USP54: variants seen among roughly 807,000 people sequenced by gnomAD.
The protein encoded by USP54 is ubiquitin specific peptidase 54.
USP54 carries 87 observed loss-of-function variants against 170.5 expected under a neutral mutation model. The observed-to-expected ratio is 0.51, with a 90% CI of 0.43 to 0.61. USP54 has a LOEUF of 0.61. USP54 is among the 20% of genes least tolerant of loss of function. The probability of loss-of-function intolerance (pLI) is 0.00; values close to 1 mark genes in which losing one functional copy is unlikely to be tolerated. For synonymous variants in USP54, 655 were observed against 742.8 expected, an observed-to-expected ratio of 0.88 and a Z score of 1.92; for missense variants, 1,786 against 2,047.8, an observed-to-expected ratio of 0.87 and a Z score of 2.47.
chr10:73,517,646 G>A lies in USP54; in HGVS notation c.2780C>T (p.Ala927Val). 7 of 1,614,218 alleles carry A rather than the reference G, an allele frequency of 4.3e-6. No individual in the cohort carries two copies. The highest frequency in any genetic ancestry group is 5.9e-6 in the Non-Finnish European group (7 of 1,180,046). The part of the protein sequence containing the change: ...FGASSFFHSP[A>V]SCHESHSSLS... The stretch of plus-strand genomic sequence containing the variant: ...TGATGAGTGTGACTCATGGCAGGAA[G>A]CAGGTGAATGGAAGAAAGAACTGGC... The change falls in exon 20 of 24, where the codon GCT becomes GTT. Residue 927 changes from alanine to valine, a missense_variant. By Grantham distance (64) the Ala-to-Val change is moderately conservative (BLOSUM62 0). This residue lies in a region of USP54 where 1,418 missense variants were observed against 1,569.0 expected (regional missense o/e 0.90). Coordinates refer to ENST00000687698, the MANE Select transcript of USP54 (RefSeq NM_001391956.1).
intron 20 of USP54, among the ~76,000 whole-genome samples, chr10:73,508,816 T>A (rs1041983143): frequency 4.0e-5 from 6 of 151,778 alleles, no homozygotes; most frequent in African/African-American, 1.5e-4. Flanking sequence ...TACAGGTGCA[T>A]GCCACCATGC....
intron 1 of USP54, among the ~76,000 whole-genome samples, chr10:73,576,607 C>A (rs1236046128): frequency 6.6e-6 from 1 of 150,454 alleles, no homozygotes; most frequent in Non-Finnish European, 1.5e-5. Flanking sequence ...TTTCTTGAAG[C>A]AGAAGAAAGT....
chr10:73,517,288 C>T lies in USP54; in HGVS notation c.3138G>A (p.Glu1046=), dbSNP rs2061215735. 1 of 1,613,322 alleles carries T rather than the reference C, an allele frequency of 6.2e-7. No individual in the cohort carries two copies. The highest frequency in any genetic ancestry group is 8.5e-7 in the Non-Finnish European group (1 of 1,179,564). ...SPVMPGIATS[E]RGDEHSLGCS... ...AGCCTAGGCTGTGTTCATCACCCCT[C>T]TCAGAGGTGGCTATTCCAGGCATCA... Residue 1046 remains glutamate (E), a synonymous_variant, in exon 20 of 24, where the codon GAG becomes GAA. Transcript: ENST00000687698.
At chr10:73,569,931 A>AAAAAAAAAAAAAAAAAAAAAAAAAAC (rs2074746106) in intron 4 of USP54, among the ~76,000 whole-genome samples, 1 of 145,036 alleles carries the variant, frequency 6.9e-6, no homozygotes, top group Non-Finnish European at 1.5e-5. Flanking sequence ...AAAAAAAAAA[A>AAAAAAAAAAAAAAAAAAAAAAAAAAC]AAAAAAAAAC....
At chr10:73,517,875 A>G in intron 19 of USP54, 128 bp from the exon 20 acceptor site, 1 of 1,221,780 alleles carries the variant, frequency 8.2e-7, no homozygotes, top group South Asian at 1.6e-5. Flanking sequence ...ACAGAAAGAC[A>G]AGCACAAGTA....
intron 16 of USP54, among the ~76,000 whole-genome samples, chr10:73,525,135 A>G (rs139628871): frequency 6.6e-6 from 1 of 152,328 alleles, no homozygotes; most frequent in Non-Finnish European, 1.5e-5. Flanking sequence ...TTACCTATAT[A>G]TATATGTACA....
At chr10:73,509,412 G>A (rs2059832382) in intron 20 of USP54, among the ~76,000 whole-genome samples, 1 of 148,342 alleles carries the variant, frequency 6.7e-6, no homozygotes. Context: ...GACCAGCCTG[G>A]CCAACATAGT....
intron 4 of USP54, among the ~76,000 whole-genome samples, chr10:73,566,970 G>A (rs537098931): frequency 4.6e-5 from 7 of 151,934 alleles, no homozygotes; most frequent in African/African-American, 9.6e-5. Context: ...TCCGCTTCCC[G>A]GGTTCAAGTG....
chr10:73,516,992 C>T lies in USP54; in HGVS notation c.3434G>A (p.Arg1145Lys). The change falls in exon 20 of 24, where the codon AGG becomes AAG. Residue 1145 changes from arginine (R) to lysine (K), a missense_variant. This residue lies in a region of USP54 where 1,418 missense variants were observed against 1,569.0 expected (regional missense o/e 0.90). Coordinates refer to ENST00000687698, the MANE Select transcript of USP54 (RefSeq NM_001391956.1). ...TCTATCCTTGAAACCTGTACTATCC[C>T]TCATGGAGACACCCTGCATCCTCTG... Reference protein sequence around the residue: ...QFQRMQGVSMRDSTGFKDRSL... With the variant: ...QFQRMQGVSMKDSTGFKDRSL... 1.9e-6 allele frequency: 3 copies of T among 1,614,236 alleles called. No individual in the cohort carries two copies. The highest frequency in any genetic ancestry group is 2.5e-6 in the Non-Finnish European group (3 of 1,180,038).
chr10:73,534,655 C>A lies in USP54; in HGVS notation c.1260G>T (p.Gly420=), dbSNP rs1435052544. 1 of 1,614,024 alleles carries A rather than the reference C, an allele frequency of 6.2e-7. No individual in the cohort carries two copies. Among genetic ancestry groups the A allele is most frequent in the African/African-American group, 1.3e-5 (1 of 74,900 alleles). Residue 420 remains glycine (G), a synonymous_variant, in exon 12 of 24, where the codon GGG becomes GGT. Coordinates refer to ENST00000687698, the MANE Select transcript of USP54 (RefSeq NM_001391956.1). ...VVSHFSSDSQ[G]TVIYNVENDS... is the part of the protein sequence containing the mutation. ...CATTTTCCACATTATAGATGACTGTCCCCTGAGAATCAGAAGAGAAGTGAC... is the reference window on the plus strand; with the variant it reads ...CATTTTCCACATTATAGATGACTGTACCCTGAGAATCAGAAGAGAAGTGAC...
chr10:73,532,568 G>A (rs568353833), intron 12 of USP54, among the ~76,000 whole-genome samples: 7 of 152,130 alleles, frequency 4.6e-5, no homozygotes, highest in Non-Finnish European at 8.8e-5. Flanking sequence ...TTTATCCTGT[G>A]GCTTGGCTTC....
intron 1 of USP54, among the ~76,000 whole-genome samples, chr10:73,582,112 G>A (rs535694090): frequency 3.3e-5 from 5 of 152,202 alleles, no homozygotes; most frequent in African/African-American, 9.6e-5. Flanking sequence ...AGCCTGTTTC[G>A]GAAAAAACCC....
Position 73,516,840 on chromosome 10 carries a change from G to T in USP54, c.3586C>A (p.Pro1196Thr). ...QQSSLEGGDR[P>T]LSWEESTEHS... ...TCAGTGGACTCTTCCCAGGAAAGTG[G>T]TCTATCCCCACCCTCCAGAGAGGAT... The change falls in exon 20 of 24, where the codon CCA becomes ACA. Residue 1196 changes from proline to threonine, a missense_variant. Pro to Thr is a conservative substitution (Grantham distance 38). Coordinates refer to ENST00000687698, the MANE Select transcript of USP54 (RefSeq NM_001391956.1). 6.2e-7 allele frequency: 1 copy of T among 1,614,258 alleles called. No homozygotes were observed. The highest frequency in any genetic ancestry group is 1.1e-5 in the South Asian group (1 of 91,090).
intron 4 of USP54, among the ~76,000 whole-genome samples, chr10:73,559,308 C>T (rs1205687197): frequency 6.6e-6 from 1 of 152,050 alleles, no homozygotes; most frequent in African/African-American, 2.4e-5. Flanking sequence ...CACCTGTAAT[C>T]CCAGCACCTT....
intron 22 of USP54, among the ~76,000 whole-genome samples, chr10:73,503,766 T>TCTGTTACC: frequency 6.6e-6 from 1 of 152,346 alleles, no homozygotes; most frequent in Middle Eastern, 3.4e-3. Context: ...AGAGTCTTGC[T>TCTGTTACC]CTGTTACCCA....
chr10:73,623,068 T>A (rs1242094516), intron 1 of USP54, among the ~76,000 whole-genome samples: 2 of 152,208 alleles, frequency 1.3e-5, no homozygotes, highest in African/African-American at 4.8e-5. Context: ...TTAGTTTGGT[T>A]AACACTTTGT....
At chr10:73,523,477 A>G (rs1386461995) in intron 17 of USP54, 106 bp downstream of exon 17, 1 of 1,375,822 alleles carries the variant, frequency 7.3e-7, no homozygotes, top group East Asian at 2.3e-5. Flanking sequence ...AAGACTTAAA[A>G]AATTATTTTG....
rs1036079112 is a variant in USP54, at chr10:73,543,089, T to A, written c.418A>T (p.Thr140Ser). 1.2e-6 allele frequency: 2 copies of A among 1,614,122 alleles called. No individual in the cohort carries two copies. The highest frequency in any genetic ancestry group is 1.7e-6 in the Non-Finnish European group (2 of 1,180,018). Residue 140 changes from threonine to serine, a missense_variant, in exon 6 of 24, where the codon ACC (threonine) becomes TCC (serine). This residue lies in a region of USP54 where 361 missense variants were observed against 455.0 expected (regional missense o/e 0.79). Transcript: ENST00000687698. ...TGGGCAGTACATATATCCTCTTTGG[T>A]TTCATCAGCAATGTGGAAGTGAATT... The part of the protein sequence containing the change: ...MRIHFHIADE[T>S]KEDICTAQHC...
intron 4 of USP54, among the ~76,000 whole-genome samples, chr10:73,554,591 T>C (rs1159545373): frequency 6.6e-6 from 1 of 152,176 alleles, no homozygotes; most frequent in Non-Finnish European, 1.5e-5. Flanking sequence ...TAACATAGGA[T>C]TTTAACATTT....
Sources: allele counts gnomAD v4.1 joint callset (sites outside exome capture counted in the v4.1 genomes callset), GRCh38; gene constraint gnomAD v4.1.1; regional missense constraint gnomAD v4.1.1; transcripts MANE v1.5; gene names NCBI Gene and HGNC (gene_info 2026-07-23, HGNC 2026-07-21).